The following SEMA4D variants were observed in gnomAD, a reference collection of about 807,000 sequenced individuals.
SEMA4D encodes semaphorin-4D.
Under a neutral mutation model 74.8 loss-of-function variants are expected in SEMA4D, and 22 were observed. That is an observed-to-expected ratio of 0.29 (90% CI 0.21 to 0.42). The LOEUF is 0.42. Ranked by LOEUF, SEMA4D falls within the 10% of genes least tolerant of loss-of-function variation. The probability of loss-of-function intolerance (pLI) is 1.00; values close to 1 mark genes in which losing one functional copy is unlikely to be tolerated. For missense variants in SEMA4D, 937 were observed against 1,118.4 expected, an observed-to-expected ratio of 0.84 and a Z score of 2.31; for synonymous variants, 445 against 463.7, an observed-to-expected ratio of 0.96 and a Z score of 0.52.
chr9:89,481,803 C>T (rs1824724196), intron 1 of SEMA4D, among the ~76,000 whole-genome samples: 2 of 152,250 alleles, frequency 1.3e-5, no homozygotes, highest in African/African-American at 4.8e-5. Context: ...CAGGGGGCCC[C>T]AGGGCCCTGT....
At chr9:89,450,099 C>A in intron 2 of SEMA4D, 1 of 1,228,512 alleles carries the variant, frequency 8.1e-7, no homozygotes, top group Non-Finnish European at 1.2e-6. Flanking sequence ...TAACTGCATG[C>A]CAATAGAAGG....
Position 89,426,324 on chromosome 9 carries a change from T to C in SEMA4D, c.-243-20625A>G, listed in dbSNP as rs151158649. 7.1e-4 allele frequency among the ~76,000 whole-genome samples: 108 copies of C among 152,338 alleles called. No homozygotes were observed. The East Asian group carries it at 0.02, about 28-fold the overall frequency. ...CAAAATGCCACTTTCCTTGCTTTCA[T>C]CTTTAGTGATTCTTTAAATATATAC... On this transcript the variant is annotated intron_variant, in intron 2 of 15. Transcript: ENST00000422704.
At chr9:89,368,008 C>T (rs1161455018) in intron 16 of SEMA4D, 1 of 152,260 alleles carries the variant, frequency 6.6e-6, no homozygotes, top group Non-Finnish European at 1.5e-5. Context: ...AAACCAGGTG[C>T]CCTCTGGGCA....
rs116907360 is a variant in SEMA4D at position 89,491,978 on chromosome 9, G to A, written c.-310+5941C>T. ...TCTCTGTCCCTCCCACCCACCTCAC[G>A]GCTTCCTCCCACTCTGCTCCATCCT... On this transcript the variant is annotated intron_variant, in intron 1 of 15. Transcript: ENST00000422704. Among the ~76,000 whole-genome samples the A allele has an allele frequency of 2.7e-3, 408 of 151,756 alleles. 1 individual carries two copies. The highest frequency in any genetic ancestry group is 0.01 in the Middle Eastern group (3 of 294).
At chr9:89,476,845 G>A (rs1588153916) in intron 1 of SEMA4D, among the ~76,000 whole-genome samples, 1 of 152,140 alleles carries the variant, frequency 6.6e-6, no homozygotes, top group East Asian at 1.9e-4. Flanking sequence ...ATGACCACAT[G>A]GCACCAACAA....
In SEMA4D at chr9:89,378,220, C is replaced by G. The variant is rs1226284009; in HGVS notation, c.*484G>C. The G allele has an allele frequency of 1.3e-5, 2 of 154,578 alleles. No homozygotes were observed. Among genetic ancestry groups the G allele is most frequent in the Non-Finnish European group, 2.9e-5 (2 of 69,544 alleles). 9.6% of individuals were successfully genotyped at this position (154,578 alleles called of 1,614,324 possible). Reference sequence around the variant, plus strand: ...GACATAAACACAATCAAAGCAAAATCCTAAAAAAATAATTAAGTGGAAGAA... The same window carrying G: ...GACATAAACACAATCAAAGCAAAATGCTAAAAAAATAATTAAGTGGAAGAA... On this transcript the variant is annotated 3_prime_UTR_variant, in exon 16 of 16. Coordinates refer to ENST00000422704, the MANE Select transcript of SEMA4D (RefSeq NM_001371194.2).
chr9:89,383,986 T>C (rs1837814617), intron 13 of SEMA4D, among the ~76,000 whole-genome samples: 1 of 152,104 alleles, frequency 6.6e-6, no homozygotes, highest in African/African-American at 2.4e-5. Context: ...CAGGTTGGAG[T>C]GACGGTGGAC....
chr9:89,426,615 G>T (rs72748988), intron 2 of SEMA4D, among the ~76,000 whole-genome samples: 2,313 of 152,232 alleles, frequency 0.015, 30 homozygotes, highest in Non-Finnish European at 0.024. Context: ...GTCAGTTCCC[G>T]TCTCAGTACT....
rs139031225 is a variant in SEMA4D, at chr9:89,465,041, T to C, written c.-309-9088A>G. Among the ~76,000 whole-genome samples, 711 of 152,246 alleles carry C rather than the reference T, an allele frequency of 4.7e-3. 6 individuals carry two copies. The highest frequency in any genetic ancestry group is 0.016 in the African/African-American group (661 of 41,536). On this transcript the variant is annotated intron_variant, in intron 1 of 15. Transcript: ENST00000422704. ...CACTGAGCACACAATAATTAACCAA[T>C]ACTCACTGACCAACCTGTCAGGGGC... is the stretch of plus-strand genomic sequence containing the variant.
intron 13 of SEMA4D, 180 bp downstream of exon 13, chr9:89,386,187 A>G (rs532681118): frequency 7.7e-6 from 5 of 651,808 alleles, no homozygotes; most frequent in African/African-American, 2.0e-5. Context: ...GCCTTCCCCA[A>G]TTCAGATCCC....
chr9:89,449,005 A>G (rs1009811506), intron 2 of SEMA4D, among the ~76,000 whole-genome samples: 6 of 152,212 alleles, frequency 3.9e-5, no homozygotes, highest in African/African-American at 1.2e-4. Context: ...TGATGCATTC[A>G]GGGTACAGCT....
At chr9:89,490,988 C>T (rs887330899) in intron 1 of SEMA4D, among the ~76,000 whole-genome samples, 7 of 152,210 alleles carry the variant, frequency 4.6e-5, no homozygotes, top group African/African-American at 1.7e-4. Context: ...CCCAAGCTTA[C>T]CAAATCCTGG....
At chr9:89,465,504 G>C (rs1219800832) in intron 1 of SEMA4D, among the ~76,000 whole-genome samples, 4 of 152,220 alleles carry the variant, frequency 2.6e-5, no homozygotes, top group Admixed American at 6.5e-5. Flanking sequence ...TTGATAATTA[G>C]GGGGCTTCCT....
rs201097053 is a variant in SEMA4D, at chr9:89,386,405, A to G, written c.1408T>C (p.Phe470Leu). The G allele has an allele frequency of 1.7e-5, 27 of 1,614,088 alleles. No individual in the cohort carries two copies. The highest frequency in any genetic ancestry group is 2.2e-5 in the Non-Finnish European group (26 of 1,179,964). ...IIEETQLFQD[F>L]EPVQTLLLSS... is the part of the protein sequence containing the mutation. ...AGCAGCAGGGTCTGGACTGGCTCAAAGTCCTGGAAGAGCTGGGTCTCCTCG... is the reference window on the plus strand; with the variant it reads ...AGCAGCAGGGTCTGGACTGGCTCAAGGTCCTGGAAGAGCTGGGTCTCCTCG... Residue 470 changes from phenylalanine to leucine, a missense_variant, in exon 13 of 16, where the codon TTT becomes CTT. Phe to Leu is a conservative substitution (Grantham distance 22). Coordinates refer to ENST00000422704, the MANE Select transcript of SEMA4D (RefSeq NM_001371194.2).
chr9:89,418,931 T>C (rs1349330405), intron 2 of SEMA4D: 1 of 152,038 alleles, frequency 6.6e-6, no homozygotes, highest in Non-Finnish European at 1.5e-5. Flanking sequence ...TCACGGCTCT[T>C]TTTTTGAAGC....
chr9:89,449,983 T>C (rs1587981401), intron 2 of SEMA4D: 2 of 1,540,686 alleles, frequency 1.3e-6, no homozygotes, highest in African/African-American at 2.7e-5. Flanking sequence ...AAAGCAGATG[T>C]TATTAAGGCA....
chr9:89,417,429 G>C (rs1845948706), intron 2 of SEMA4D, among the ~76,000 whole-genome samples: 1 of 152,212 alleles, frequency 6.6e-6, no homozygotes, highest in Non-Finnish European at 1.5e-5. Flanking sequence ...GAAGGTCTAA[G>C]CTGGCAGCAG....
Position 89,406,494 on chromosome 9 carries a change from A to G in SEMA4D, c.-243-795T>C, listed in dbSNP as rs139644381. Among the ~76,000 whole-genome samples the G allele has an allele frequency of 9.2e-5, 14 of 152,298 alleles. No homozygotes were observed. In the East Asian group the frequency reaches 1.9e-3, roughly 21 times the overall value. On this transcript the variant is annotated intron_variant, in intron 2 of 15. Transcript: ENST00000422704. Reference sequence around the variant, plus strand: ...CCTGGCCCCATCTCTCATGTCCCCAACATTCTCTGATGACTGCATGGCTAC... The same window carrying G: ...CCTGGCCCCATCTCTCATGTCCCCAGCATTCTCTGATGACTGCATGGCTAC...
At chr9:89,369,410 T>A (rs1171044982) in intron 16 of SEMA4D, 1 of 152,246 alleles carries the variant, frequency 6.6e-6, no homozygotes, top group Non-Finnish European at 1.5e-5. Context: ...GGAACCATTA[T>A]TAGCTTTGAA....
Sources: allele counts gnomAD v4.1 joint callset (sites outside exome capture counted in the v4.1 genomes callset), GRCh38; gene constraint gnomAD v4.1.1; transcripts MANE v1.5; gene names NCBI Gene and HGNC (gene_info 2026-07-23, HGNC 2026-07-21).